The following NCOA3 variants were observed in gnomAD, a reference collection of about 807,000 sequenced individuals.
NCOA3 encodes CBP-interacting protein.
NCOA3 carries 51 observed loss-of-function variants against 158.8 expected under a neutral mutation model. The ratio of observed to expected loss-of-function variants is 0.32; its 90% CI spans 0.26 to 0.41. The LOEUF is 0.41. Among genes scored for constraint, NCOA3 ranks in the 10% least tolerant of loss-of-function variants. The pLI is 1.00. For synonymous variants in NCOA3, 537 were observed against 592.4 expected (o/e 0.91, Z 1.36); for missense variants, 1,510 against 1,746.6 (o/e 0.86, Z 2.41).
chr20:47,588,989 A>C lies in NCOA3; in HGVS notation c.-20+5728A>C, dbSNP rs1181768747. On this transcript the variant is annotated intron_variant, in intron 2 of 22. Transcript: ENST00000371998. ...CTGCAACCTCTGCCTCCCAGGTTCAAGAGATTCTCCTGCCTCAGCCTCCCA... is the reference window on the plus strand; with the variant it reads ...CTGCAACCTCTGCCTCCCAGGTTCACGAGATTCTCCTGCCTCAGCCTCCCA... Among the ~76,000 whole-genome samples, 4 of 152,178 alleles carry C rather than the reference A, an allele frequency of 2.6e-5. 1 individual carries two copies. The highest frequency in any genetic ancestry group is 9.6e-5 in the African/African-American group (4 of 41,514).
At chr20:47,542,029 T>TTTTTG (rs1315473982) in intron 1 of NCOA3, among the ~76,000 whole-genome samples, 1 of 76,690 alleles carries the variant, frequency 1.3e-5, no homozygotes, top group Non-Finnish European at 3.1e-5. Context: ...TTTTTTTTTT[T>TTTTTG]TGTTGTTGTT....
chr20:47,569,826 C>T (rs2425973), intron 1 of NCOA3, among the ~76,000 whole-genome samples: 34,835 of 151,896 alleles, frequency 0.23, 4,182 homozygotes, highest in Middle Eastern at 0.29. Flanking sequence ...CTGGCTAACA[C>T]GGTGAAACCC....
In NCOA3 at chr20:47,636,264, C is replaced by G. The variant is rs144957405; in HGVS notation, c.1878C>G (p.Thr626=). 1,041 of 1,614,116 alleles carry G rather than the reference C, an allele frequency of 6.4e-4. 11 individuals are homozygous for G. The Middle Eastern group carries it at 6.9e-3, about 11-fold the overall frequency. ...KGHKKLLQLL[T]CSSDDRGHSS... is the part of the protein sequence containing the mutation. ...ATAAAAAATTACTGCAGTTACTTAC[C>G]TGTTCTTCTGATGACCGGGGTCATT... Residue 626 remains threonine, a synonymous_variant, in exon 12 of 23, where the codon ACC becomes ACG. Transcript: ENST00000371998.
chr20:47,505,003 G>GTTTTTTTTTTTTT (rs1166777115), intron 1 of NCOA3, among the ~76,000 whole-genome samples: 622 of 28,526 alleles, frequency 0.022, 193 homozygotes, highest in East Asian at 0.064. Flanking sequence ...TGGGTTTTTG[G>GTTTTTTTTTTTTT]TTTTTTTTTT....
intron 1 of NCOA3, among the ~76,000 whole-genome samples, chr20:47,508,848 C>G (rs1032723475): frequency 2.0e-5 from 3 of 152,136 alleles, no homozygotes; most frequent in Admixed American, 6.5e-5. Context: ...GGGCAGAGTT[C>G]AGAATAATTT....
At position 47,654,420 on chromosome 20, in the gene NCOA3, T is replaced by C. The variant is rs999620425; in HGVS notation, c.*1003T>C. On this transcript the variant is annotated 3_prime_UTR_variant, in exon 23 of 23. Coordinates refer to ENST00000371998, the MANE Select transcript of NCOA3 (RefSeq NM_181659.3). ...CTTTAAGATATTGTATTATGTAAAA[T>C]ATGTATATACCTTTTTTTGTAGGTC... 6.6e-6 allele frequency: 1 copy of C among 152,636 alleles called. No homozygotes were observed. Among genetic ancestry groups the C allele is most frequent in the Non-Finnish European group, 1.5e-5 (1 of 68,038 alleles). The allele number at this position is 152,636 out of a possible 1,614,324, so 9.5% of individuals were successfully genotyped here. A position where few individuals can be genotyped will look rare whatever the true frequency, so the allele number is the denominator to read the frequency against.
In NCOA3 at chr20:47,639,566, A is replaced by G. The variant is rs2146327380; in HGVS notation, c.2708-11A>G. The G allele has an allele frequency of 1.2e-6, 2 of 1,612,626 alleles. No homozygotes were observed. The highest frequency in any genetic ancestry group is 2.2e-5 in the East Asian group (1 of 44,884). ...ATATGGAAAAGACCTAAGTATGGCTACCTGTTTTAGGTGGGCCAAACCGAA... is the reference window on the plus strand; with the variant it reads ...ATATGGAAAAGACCTAAGTATGGCTGCCTGTTTTAGGTGGGCCAAACCGAA... On this transcript the variant is annotated splice_polypyrimidine_tract_variant and intron_variant, in intron 14 of 22. Transcript: ENST00000371998.
At chr20:47,502,172 G>C (rs955439082) in intron 1 of NCOA3, among the ~76,000 whole-genome samples, 153 bp downstream of exon 1, 20 of 152,030 alleles carry the variant, frequency 1.3e-4, no homozygotes, top group Non-Finnish European at 2.6e-4. Context: ...CGCTGAGGTA[G>C]TTTCGGGGTG....
intron 1 of NCOA3, among the ~76,000 whole-genome samples, chr20:47,522,097 A>ATTTTTTTTTTTTTTTT (rs2084345467): frequency 5.8e-5 from 6 of 103,808 alleles, no homozygotes; most frequent in Non-Finnish European, 1.0e-4. Flanking sequence ...CATTGTACAG[A>ATTTTTTTTTTTTTTTT]TCTTTTTTTT....
At chr20:47,546,884 C>T (rs1463442361) in intron 1 of NCOA3, among the ~76,000 whole-genome samples, 5 of 152,100 alleles carry the variant, frequency 3.3e-5, no homozygotes, top group Non-Finnish European at 7.4e-5. Context: ...CTTGTTCATT[C>T]TTGATCCAGT....
intron 2 of NCOA3, among the ~76,000 whole-genome samples, chr20:47,606,398 C>T (rs1857591066): frequency 6.6e-6 from 1 of 152,134 alleles, no homozygotes; most frequent in South Asian, 2.1e-4. Context: ...AAATTGCTGA[C>T]ACCTTACCAT....
intron 1 of NCOA3, among the ~76,000 whole-genome samples, chr20:47,579,695 G>T (rs999377590): frequency 6.6e-6 from 1 of 152,190 alleles, no homozygotes; most frequent in Non-Finnish European, 1.5e-5. Context: ...TTGGAGGGGA[G>T]AATTTTGTAC....
At position 47,635,318 on chromosome 20, in the gene NCOA3, G is replaced by C; in HGVS notation, c.1113-4G>C. 1.3e-6 allele frequency: 2 copies of C among 1,565,686 alleles called. No homozygotes were observed. Among genetic ancestry groups the C allele is most frequent in the Non-Finnish European group, 1.7e-6 (2 of 1,148,656 alleles). Reference sequence around the variant, plus strand: ...TTAGTAAAAGTTTGATGTTTGTTTTGCAGAGAACAGAATGGATATAGACCA... The same window carrying C: ...TTAGTAAAAGTTTGATGTTTGTTTTCCAGAGAACAGAATGGATATAGACCA... On this transcript the variant is annotated splice_region_variant and splice_polypyrimidine_tract_variant and intron_variant, in intron 10 of 22. Coordinates refer to ENST00000371998, the MANE Select transcript of NCOA3 (RefSeq NM_181659.3).
intron 17 of NCOA3, among the ~76,000 whole-genome samples, chr20:47,642,982 C>T (rs2086634576): frequency 6.6e-6 from 1 of 152,246 alleles, no homozygotes; most frequent in Admixed American, 6.5e-5. Context: ...ACAATTTCAT[C>T]TCACTGCAAC....
intron 1 of NCOA3, among the ~76,000 whole-genome samples, chr20:47,509,754 A>T (rs912531857): frequency 6.6e-6 from 1 of 152,180 alleles, no homozygotes; most frequent in Admixed American, 6.6e-5. Context: ...CTATTAAAAA[A>T]ATTTGGCAAT....
intron 5 of NCOA3, 132 bp from the exon 6 acceptor site, chr20:47,626,870 T>A: frequency 1.3e-6 from 1 of 753,290 alleles, no homozygotes; most frequent in Non-Finnish European, 2.1e-6. Context: ...ACCTCATTTA[T>A]CTTTAATTAC....
At chr20:47,600,276 G>A (rs1161462809) in intron 2 of NCOA3, among the ~76,000 whole-genome samples, 1 of 151,608 alleles carries the variant, frequency 6.6e-6, no homozygotes, top group Non-Finnish European at 1.5e-5. Context: ...CCGGGTTCAC[G>A]CCATTCTCCT....
chr20:47,636,095 C>T lies in NCOA3; in HGVS notation c.1709C>T (p.Pro570Leu). The change falls in exon 12 of 23, where the codon CCT becomes CTT. Residue 570 changes from proline (P) to leucine (L), a missense_variant. By Grantham distance (98) the Pro-to-Leu change is moderately conservative. Coordinates refer to ENST00000371998, the MANE Select transcript of NCOA3 (RefSeq NM_181659.3). ...GTAAGCAATCAGGATTCCAAGAGTC[C>T]TCTGGGCTTTTATTGCGACCAAAAT... is the stretch of plus-strand genomic sequence containing the variant. Reference protein sequence around the residue: ...SKVSNQDSKSPLGFYCDQNPV... With the variant: ...SKVSNQDSKSLLGFYCDQNPV... 3 of 1,614,112 alleles carry T rather than the reference C, an allele frequency of 1.9e-6. No homozygotes were observed. Among genetic ancestry groups the T allele is most frequent in the Non-Finnish European group, 2.5e-6 (3 of 1,180,040 alleles).
intron 1 of NCOA3, among the ~76,000 whole-genome samples, chr20:47,512,504 G>A (rs2084161474): frequency 6.6e-6 from 1 of 150,736 alleles, no homozygotes; most frequent in Non-Finnish European, 1.5e-5. Flanking sequence ...GCAGGCGAAG[G>A]TTGCAGTGTG....
Sources: allele counts gnomAD v4.1 joint callset (sites outside exome capture counted in the v4.1 genomes callset), GRCh38; gene constraint gnomAD v4.1.1; transcripts MANE v1.5; gene names NCBI Gene and HGNC (gene_info 2026-07-23, HGNC 2026-07-21).